CDH18: variants seen among roughly 807,000 people sequenced by gnomAD.
The protein encoded by CDH18 is cadherin 18.
CDH18 carries 31 observed loss-of-function variants against 67.9 expected under a neutral mutation model. The ratio of observed to expected loss-of-function variants is 0.46; its 90% confidence interval spans 0.34 to 0.62. CDH18 has a LOEUF of 0.62. CDH18 is among the 20% of genes least tolerant of loss of function. The pLI, the probability that CDH18 is intolerant of heterozygous loss-of-function variation, is 0.01. For missense variants in CDH18, 890 were observed against 975.5 expected (o/e 0.91, Z 1.17); for synonymous variants, 362 against 347.2 (o/e 1.04, Z -0.48).
chr5:20,360,476 T>A (rs1036564567), intron 1 of CDH18, among the ~76,000 whole-genome samples: 1 of 152,186 alleles, frequency 6.6e-6, no homozygotes, highest in Admixed American at 6.5e-5. Flanking sequence ...TAGGTTGGCA[T>A]CATTCCTACT....
chr5:20,286,732 AAAGTATTTCTTTATT>A (rs1746723460), intron 1 of CDH18, among the ~76,000 whole-genome samples: 1 of 151,384 alleles, frequency 6.6e-6, no homozygotes, highest in African/African-American at 2.4e-5. Flanking sequence ...GCAAACTTAT[AAAGTATTTCTTTATT>A]TCCTGCCTTC....
At chr5:19,659,429 C>A (rs1255390697) in intron 5 of CDH18, among the ~76,000 whole-genome samples, 1 of 152,010 alleles carries the variant, frequency 6.6e-6, no homozygotes, top group Non-Finnish European at 1.5e-5. Context: ...ATAAGAAAAT[C>A]TAAAACACTT....
intron 7 of CDH18, among the ~76,000 whole-genome samples, chr5:19,589,587 A>T (rs549430081): frequency 6.6e-6 from 1 of 152,252 alleles, no homozygotes; most frequent in African/African-American, 2.4e-5. Context: ...GAATGCAGTG[A>T]TAAGTTAACA....
At chr5:20,053,475 T>C (rs1322637850) in intron 2 of CDH18, among the ~76,000 whole-genome samples, 1 of 152,004 alleles carries the variant, frequency 6.6e-6, no homozygotes, top group East Asian at 1.9e-4. Context: ...ACTCTCCCCA[T>C]CTCAGCTTTC....
At chr5:20,138,208 A>T (rs1029212247) in intron 2 of CDH18, among the ~76,000 whole-genome samples, 1 of 152,174 alleles carries the variant, frequency 6.6e-6, no homozygotes, top group Non-Finnish European at 1.5e-5. Flanking sequence ...AACCAAAGAA[A>T]AAAACCACGT....
At chr5:20,476,347 G>GA (rs397720907) in intron 1 of CDH18, among the ~76,000 whole-genome samples, 93,857 of 145,838 alleles carry the variant, frequency 0.64, 31,317 homozygotes, top group Non-Finnish European at 0.76. Flanking sequence ...CATTACATTT[G>GA]AAAAAAAAAA....
intron 3 of CDH18, among the ~76,000 whole-genome samples, chr5:19,756,126 T>C (rs1025182672): frequency 1.3e-5 from 2 of 152,158 alleles, no homozygotes; most frequent in African/African-American, 4.8e-5. Context: ...GTAATACAAC[T>C]GTCCTCTGTA....
chr5:19,903,978 G>A (rs115750274), intron 2 of CDH18, among the ~76,000 whole-genome samples: 4 of 151,872 alleles, frequency 2.6e-5, no homozygotes, highest in Admixed American at 2.6e-4. Context: ...CAGCGTATAC[G>A]AAATCAGACA....
Position 20,175,480 on chromosome 5 carries a change from A to G in CDH18, c.-518+79964T>C, listed in dbSNP as rs76341476. ...AAAGAGCCTGTGGATCCTAATTGCT[A>G]TAATTGAACATCTCTTTGAATAGGT... On this transcript the variant is annotated intron_variant, in intron 2 of 14. Transcript: ENST00000507958. Among the ~76,000 whole-genome samples, 874 of 152,254 alleles carry G rather than the reference A, an allele frequency of 5.7e-3. 10 individuals are homozygous for G. The highest frequency in any genetic ancestry group is 0.02 in the African/African-American group (837 of 41,558).
chr5:19,740,333 T>A (rs1768933831), intron 4 of CDH18, among the ~76,000 whole-genome samples: 2 of 152,074 alleles, frequency 1.3e-5, no homozygotes, highest in African/African-American at 4.8e-5. Flanking sequence ...CAAATTACAT[T>A]GTGATCTGTT....
At chr5:19,698,361 T>A (rs1762801260) in intron 5 of CDH18, among the ~76,000 whole-genome samples, 1 of 152,108 alleles carries the variant, frequency 6.6e-6, no homozygotes, top group Non-Finnish European at 1.5e-5. Flanking sequence ...TACAATTTAA[T>A]AAATACATAG....
At position 19,645,241 on chromosome 5, in the gene CDH18, T is replaced by C. The variant is rs533711614; in HGVS notation, c.644-32640A>G. 9.8e-5 allele frequency among the ~76,000 whole-genome samples: 15 copies of C among 152,290 alleles called. No individual in the cohort carries two copies. In the South Asian group the frequency reaches 1.0e-3, roughly 11 times the overall value. ...TCAGTTTGAATATTATGTGCAGTTA[T>C]AGGAAAAGACATTTAATAAAAGGTA... is the stretch of plus-strand genomic sequence containing the variant. On this transcript the variant is annotated intron_variant, in intron 5 of 12. Coordinates refer to ENST00000382275, the MANE Select transcript of CDH18 (RefSeq NM_004934.5).
At chr5:19,569,878 C>T (rs1741072339) in intron 8 of CDH18, among the ~76,000 whole-genome samples, 1 of 151,974 alleles carries the variant, frequency 6.6e-6, no homozygotes, top group Non-Finnish European at 1.5e-5. Flanking sequence ...GTGTATCCCA[C>T]CAAATGTACA....
intron 2 of CDH18, among the ~76,000 whole-genome samples, chr5:20,112,163 A>T (rs1747533159): frequency 6.6e-6 from 1 of 152,176 alleles, no homozygotes; most frequent in Non-Finnish European, 1.5e-5. Flanking sequence ...GTGTATTTGA[A>T]ATTCTTGATT....
rs116294389 is a variant in CDH18, at chr5:19,859,813, T to C, written c.-256-20571A>G. On this transcript the variant is annotated intron_variant, in intron 2 of 12. Coordinates refer to ENST00000382275, the MANE Select transcript of CDH18 (RefSeq NM_004934.5). ...AAACCATGCTGTAGCCCAACCACCT[T>C]GGGCACATGTTCTCAGGATGCCCTG... Among the ~76,000 whole-genome samples, 856 of 152,274 alleles carry C rather than the reference T, an allele frequency of 5.6e-3. 12 individuals carry two copies. Among genetic ancestry groups the C allele is most frequent in the African/African-American group, 0.02 (816 of 41,552 alleles).
At chr5:19,840,885 C>T (rs1461536501) in intron 2 of CDH18, among the ~76,000 whole-genome samples, 1 of 152,134 alleles carries the variant, frequency 6.6e-6, no homozygotes, top group Admixed American at 6.6e-5. Flanking sequence ...ATCACTTTCT[C>T]ATTGAATGCA....
intron 2 of CDH18, among the ~76,000 whole-genome samples, chr5:19,959,279 A>G (rs1725290720): frequency 6.6e-6 from 1 of 151,996 alleles, no homozygotes; most frequent in African/African-American, 2.4e-5. Context: ...GTGTAAAACT[A>G]TTAAATATCT....
intron 2 of CDH18, among the ~76,000 whole-genome samples, chr5:20,047,374 T>C (rs2150483569): frequency 6.6e-6 from 1 of 152,024 alleles, no homozygotes; most frequent in East Asian, 1.9e-4. Context: ...TGCGAAATCA[T>C]TTGAACTTTA....
At chr5:19,812,838 A>C (rs1384752878) in intron 3 of CDH18, among the ~76,000 whole-genome samples, 1 of 152,174 alleles carries the variant, frequency 6.6e-6, no homozygotes, top group African/African-American at 2.4e-5. Flanking sequence ...ACACAAGTAC[A>C]TGTATGTTTA....
Sources: allele counts gnomAD v4.1 joint callset (sites outside exome capture counted in the v4.1 genomes callset), GRCh38; gene constraint gnomAD v4.1.1; transcripts MANE v1.5; gene names NCBI Gene and HGNC (gene_info 2026-07-23, HGNC 2026-07-21).